The following GNG12 variants were observed in gnomAD, a reference collection of about 807,000 sequenced individuals.
The protein encoded by GNG12 is guanine nucleotide-binding protein G(I)/G(S)/G(O) subunit gamma-12.
For missense variants in GNG12, 69 were observed against 83.8 expected (o/e 0.82, Z 0.69); for synonymous variants, 28 against 29.7 (o/e 0.94, Z 0.19).
chr1:67,828,794 CTT>C (rs1570581511), intron 1 of GNG12, among the ~76,000 whole-genome samples: 1 of 152,174 alleles, frequency 6.6e-6, no homozygotes, highest in Admixed American at 6.5e-5. Flanking sequence ...CACTGGTAGA[CTT>C]TTCAAATATT....
chr1:67,756,197 G>A (rs952191115), intron 2 of GNG12, among the ~76,000 whole-genome samples: 23 of 152,170 alleles, frequency 1.5e-4, no homozygotes, highest in Non-Finnish European at 2.6e-4. Flanking sequence ...GCCAGACCTG[G>A]TGCATTGAGA....
At chr1:67,758,011 G>A (rs1046807276) in intron 2 of GNG12, among the ~76,000 whole-genome samples, 13 of 152,060 alleles carry the variant, frequency 8.5e-5, no homozygotes, top group African/African-American at 4.8e-5. Context: ...TACTCTTGTC[G>A]CCCAGTCTGC....
In GNG12 at chr1:67,804,411, C is replaced by T. The variant is rs57589224; in HGVS notation, c.-76-26904G>A. Among the ~76,000 whole-genome samples, 8 of 152,234 alleles carry T rather than the reference C, an allele frequency of 5.3e-5. No individual in the cohort carries two copies. In the East Asian group the frequency reaches 7.7e-4, roughly 15 times the overall value. ...TCAGCTGGAGAAGCTGTACTTTCAG[C>T]GTGCACTGAGAAAATGCTAGGTGCA... On this transcript the variant is annotated intron_variant, in intron 1 of 3. Coordinates refer to ENST00000370982, the MANE Select transcript of GNG12 (RefSeq NM_018841.6).
chr1:67,785,959 T>C lies in GNG12; in HGVS notation c.-76-8452A>G, dbSNP rs193186913. On this transcript the variant is annotated intron_variant, in intron 1 of 3. Transcript: ENST00000370982. ...CACAGACACACACACAGCACACAAGTACTAAAGTCTTGGTCAGCATTTGGG... is the reference window on the plus strand; with the variant it reads ...CACAGACACACACACAGCACACAAGCACTAAAGTCTTGGTCAGCATTTGGG... Among the ~76,000 whole-genome samples, 111 of 152,286 alleles carry C rather than the reference T, an allele frequency of 7.3e-4. 1 individual carries two copies. Among genetic ancestry groups the C allele is most frequent in the African/African-American group, 2.5e-3 (105 of 41,560 alleles).
At chr1:67,732,561 G>A (rs1646425831) in intron 2 of GNG12, among the ~76,000 whole-genome samples, 1 of 152,242 alleles carries the variant, frequency 6.6e-6, no homozygotes, top group African/African-American at 2.4e-5. Flanking sequence ...GTCAGTTCAG[G>A]AATCGAGTGG....
At chr1:67,781,891 AG>A (rs34785130) in intron 1 of GNG12, among the ~76,000 whole-genome samples, 15 of 152,168 alleles carry the variant, frequency 9.9e-5, no homozygotes, top group African/African-American at 3.6e-4. Flanking sequence ...GAGACATCCA[AG>A]GGGGGATGTC....
At chr1:67,778,566 G>T (rs1243071862) in intron 1 of GNG12, among the ~76,000 whole-genome samples, 5 of 152,164 alleles carry the variant, frequency 3.3e-5, no homozygotes, top group African/African-American at 1.2e-4. Context: ...CTTACTATGT[G>T]CCAGGAACTG....
At chr1:67,817,843 G>A (rs1247031804) in intron 1 of GNG12, among the ~76,000 whole-genome samples, 11 of 142,146 alleles carry the variant, frequency 7.7e-5, no homozygotes, top group Admixed American at 2.2e-4. Context: ...CTGGAGTGCA[G>A]TGGTGCAATC....
intron 1 of GNG12, among the ~76,000 whole-genome samples, chr1:67,778,109 T>A (rs1646716968): frequency 6.7e-6 from 1 of 149,088 alleles, no homozygotes; most frequent in Non-Finnish European, 1.5e-5. Context: ...ATATTAATTA[T>A]AACTATACAT....
chr1:67,779,468 C>A (rs1646724830), intron 1 of GNG12, among the ~76,000 whole-genome samples: 1 of 152,152 alleles, frequency 6.6e-6, no homozygotes, highest in East Asian at 1.9e-4. Flanking sequence ...GCCCCTGTGG[C>A]CTCATGCCTG....
At chr1:67,730,902 G>T (rs1184305625) in intron 2 of GNG12, among the ~76,000 whole-genome samples, 3 of 152,118 alleles carry the variant, frequency 2.0e-5, no homozygotes, top group Non-Finnish European at 4.4e-5. Context: ...TTACCCCTAA[G>T]GGGTCCAGAT....
intron 1 of GNG12, among the ~76,000 whole-genome samples, chr1:67,808,694 T>G (rs1423490661): frequency 6.6e-6 from 1 of 152,120 alleles, no homozygotes; most frequent in African/African-American, 2.4e-5. Context: ...CACATTACTA[T>G]TTATATTAGC....
intron 2 of GNG12, among the ~76,000 whole-genome samples, chr1:67,770,955 T>C (rs1646670791): frequency 6.6e-6 from 1 of 152,088 alleles, no homozygotes; most frequent in Non-Finnish European, 1.5e-5. Flanking sequence ...ATTTCCAAAA[T>C]GAACCTGTGT....
intron 2 of GNG12, among the ~76,000 whole-genome samples, chr1:67,735,565 T>C (rs1288672627): frequency 2.6e-5 from 4 of 152,232 alleles, no homozygotes; most frequent in Non-Finnish European, 5.9e-5. Flanking sequence ...TATCTGAGGA[T>C]GAAATGCATA....
chr1:67,724,069 T>C (rs1233695180), intron 2 of GNG12, among the ~76,000 whole-genome samples: 1 of 152,056 alleles, frequency 6.6e-6, no homozygotes, highest in Non-Finnish European at 1.5e-5. Context: ...GGCAGTGTAG[T>C]CAAGACAAGG....
chr1:67,758,266 G>A lies in GNG12; in HGVS notation c.-27+19192C>T, dbSNP rs188095507. Among the ~76,000 whole-genome samples, 23 of 152,310 alleles carry A rather than the reference G, an allele frequency of 1.5e-4. No individual in the cohort carries two copies. In the East Asian group the frequency reaches 2.1e-3, roughly 14 times the overall value. On this transcript the variant is annotated intron_variant, in intron 2 of 3. Transcript: ENST00000370982. ...TGGGATTACAGGTGTGAGCCACTGC[G>A]TCCAGCCCTAGCTTTGGGTTTCCTA...
At chr1:67,827,633 G>A (rs1647018859) in intron 1 of GNG12, among the ~76,000 whole-genome samples, 1 of 151,946 alleles carries the variant, frequency 6.6e-6, no homozygotes. Flanking sequence ...CATCATGTTA[G>A]CCAGGATGGT....
intron 1 of GNG12, among the ~76,000 whole-genome samples, chr1:67,798,902 C>T (rs918486713): frequency 1.3e-5 from 2 of 151,916 alleles, no homozygotes; most frequent in African/African-American, 2.4e-5. Context: ...TGCAGTGAGC[C>T]GAGATCATGC....
chr1:67,744,503 A>G (rs1472958382), intron 2 of GNG12, among the ~76,000 whole-genome samples: 2 of 152,284 alleles, frequency 1.3e-5, no homozygotes, highest in East Asian at 1.9e-4. Context: ...ATATACGAAG[A>G]ACATTTGTAA....
Sources: allele counts gnomAD v4.1 joint callset (sites outside exome capture counted in the v4.1 genomes callset), GRCh38; gene constraint gnomAD v4.1.1; transcripts MANE v1.5; gene names NCBI Gene and HGNC (gene_info 2026-07-23, HGNC 2026-07-21).